The following SLC7A5 variants were observed in gnomAD, a reference collection of about 807,000 sequenced individuals.
The protein encoded by SLC7A5 is large neutral amino acids transporter small subunit 1.
Under a neutral mutation model 50.2 loss-of-function variants are expected in SLC7A5, and 23 were observed. The ratio of observed to expected loss-of-function variants is 0.46; its 90% CI spans 0.33 to 0.65. The LOEUF (loss-of-function observed/expected upper bound fraction) is 0.65. Among genes scored for constraint, SLC7A5 ranks in the 30% least tolerant of loss-of-function variants. The probability of loss-of-function intolerance (pLI) is 0.02; values close to 1 mark genes in which losing one functional copy is unlikely to be tolerated. For synonymous variants in SLC7A5, 393 were observed against 330.6 expected, an observed-to-expected ratio of 1.19 and a Z score of -2.05; for missense variants, 578 against 684.4, an observed-to-expected ratio of 0.84 and a Z score of 1.73.
At chr16:87,840,326 G>C in intron 4 of SLC7A5, 103 bp downstream of exon 4, 2 of 1,081,010 alleles carry the variant, frequency 1.9e-6, no homozygotes, top group Non-Finnish European at 2.9e-6. Flanking sequence ...GCCCGACTGT[G>C]AACTGGCCTG....
intron 6 of SLC7A5, 89 bp downstream of exon 6, chr16:87,838,625 G>A: frequency 1.9e-6 from 2 of 1,031,454 alleles, no homozygotes; most frequent in South Asian, 2.5e-5. Flanking sequence ...CAGTATCACA[G>A]AGACAAACCT....
At chr16:87,855,557 G>A (rs1194828824) in intron 1 of SLC7A5, among the ~76,000 whole-genome samples, 2 of 152,036 alleles carry the variant, frequency 1.3e-5, no homozygotes, top group African/African-American at 4.8e-5. Flanking sequence ...GACTCTCTGA[G>A]GTGCCTCCCT....
rs1028934856 is a variant in SLC7A5, at chr16:87,851,625, C to A, written c.664+99G>T. On this transcript the variant is annotated intron_variant, in intron 2 of 9. Transcript: ENST00000261622. ...CACGTTGTACAGCACTGCAGAGCTG[C>A]GGACTGGGAGGCACCCGGGGACGGG... 27 of 1,446,496 alleles carry A rather than the reference C, an allele frequency of 1.9e-5. No homozygotes were observed. The African/African-American group carries it at 3.1e-4, about 16-fold the overall frequency. The allele number at this position is 1,446,496 out of a possible 1,614,324, so 89.6% of individuals were successfully genotyped here.
chr16:87,859,184 A>G (rs1206979431), intron 1 of SLC7A5, among the ~76,000 whole-genome samples: 1 of 152,198 alleles, frequency 6.6e-6, no homozygotes, highest in Non-Finnish European at 1.5e-5. Flanking sequence ...GCTCCGGGCC[A>G]CACAGCTTGA....
At chr16:87,857,549 T>C (rs1354677410) in intron 1 of SLC7A5, among the ~76,000 whole-genome samples, 3 of 152,188 alleles carry the variant, frequency 2.0e-5, no homozygotes, top group African/African-American at 7.2e-5. Context: ...TCCCAAAGTG[T>C]TGGGATTACA....
In SLC7A5 at chr16:87,850,192, G is replaced by C. The variant is rs554157958; in HGVS notation, c.664+1532C>G. ...AAGGCGGAGGCTCAGCTAAAGCTGC[G>C]TGCTGGGTGCTGGGTGCTGCGGGGC... On this transcript the variant is annotated intron_variant, in intron 2 of 9. Transcript: ENST00000261622. 3.9e-5 allele frequency among the ~76,000 whole-genome samples: 6 copies of C among 152,334 alleles called. No homozygotes were observed. The South Asian group carries it at 1.2e-3, about 32-fold the overall frequency.
intron 1 of SLC7A5, among the ~76,000 whole-genome samples, chr16:87,856,646 G>A (rs566879441): frequency 1.3e-5 from 2 of 152,284 alleles, no homozygotes; most frequent in African/African-American, 2.4e-5. Context: ...CTTCTTTGTC[G>A]GAATCCACTC....
At chr16:87,834,246 C>T (rs1269579207) in intron 9 of SLC7A5, among the ~76,000 whole-genome samples, 168 bp downstream of exon 9, 1 of 152,212 alleles carries the variant, frequency 6.6e-6, no homozygotes, top group African/African-American at 2.4e-5. Flanking sequence ...TGTGTCTTAT[C>T]CCTGAACCAT....
rs1179351184 is a variant in SLC7A5, at chr16:87,845,717, G to A, written c.665-4562C>T. On this transcript the variant is annotated intron_variant, in intron 2 of 9. Coordinates refer to ENST00000261622, the MANE Select transcript of SLC7A5 (RefSeq NM_003486.7). ...TCTGTCGGTCTTGGAAACTCATGAA[G>A]GAGTGGGCCCTTTGCTTAGAGCTGC... is the stretch of plus-strand genomic sequence containing the variant. Among the ~76,000 whole-genome samples the A allele has an allele frequency of 3.3e-5, 5 of 152,190 alleles. No homozygotes were observed. The East Asian group carries it at 7.7e-4, about 23-fold the overall frequency.
At position 87,860,935 on chromosome 16, in the gene SLC7A5, G is replaced by A. The variant is rs768209715; in HGVS notation, c.538+7950C>T. Among the ~76,000 whole-genome samples, 22 of 152,328 alleles carry A rather than the reference G, an allele frequency of 1.4e-4. No individual in the cohort carries two copies. The highest frequency in any genetic ancestry group is 2.4e-4 in the Non-Finnish European group (16 of 68,024). ...CTCCCACACTCCCGGAGGCACGCAC[G>A]TGCTGTGGCCACCCCGGAGGGTCCG... On this transcript the variant is annotated intron_variant, in intron 1 of 9. Coordinates refer to ENST00000261622, the MANE Select transcript of SLC7A5 (RefSeq NM_003486.7). The surrounding 1 kb of genome is among the most constrained non-coding windows in gnomAD (Gnocchi z 4.8).
At chr16:87,847,924 C>T (rs1022457555) in intron 2 of SLC7A5, among the ~76,000 whole-genome samples, 37 of 152,226 alleles carry the variant, frequency 2.4e-4, no homozygotes, top group African/African-American at 8.4e-4. Context: ...GACACGGGAC[C>T]GTCCAGAAGT....
chr16:87,869,069 G>C lies in SLC7A5; in HGVS notation c.354C>G (p.Ala118=). Residue 118 remains alanine (A), a synonymous_variant, in exon 1 of 10, where the codon GCC becomes GCG. Coordinates refer to ENST00000261622, the MANE Select transcript of SLC7A5 (RefSeq NM_003486.7). ...TTISKSGGDY[A]YMLEVYGSLP... is the part of the protein sequence containing the mutation. ...GCGAGCCGTAGACCTCCAGCATGTA[G>C]GCGTAGTCGCCGCCCGATTTGGAGA... 6.2e-7 allele frequency: 1 copy of C among 1,611,920 alleles called. No individual in the cohort carries two copies. Among genetic ancestry groups the C allele is most frequent in the African/African-American group, 1.3e-5 (1 of 75,006 alleles).
In SLC7A5 at chr16:87,862,182, C is replaced by G. The variant is rs547180544; in HGVS notation, c.538+6703G>C. The stretch of plus-strand genomic sequence containing the variant: ...CCTGGAACAGGCCTGGACTGAGAAG[C>G]GGGGCTACAGGTTACAGGTGCTGGA... On this transcript the variant is annotated intron_variant, in intron 1 of 9. Coordinates refer to ENST00000261622, the MANE Select transcript of SLC7A5 (RefSeq NM_003486.7). The surrounding 1 kb of genome is among the most constrained non-coding windows in gnomAD (Gnocchi z 5.3). Among the ~76,000 whole-genome samples the G allele has an allele frequency of 2.0e-5, 3 of 151,970 alleles. No homozygotes were observed. Among genetic ancestry groups the G allele is most frequent in the Non-Finnish European group, 2.9e-5 (2 of 67,984 alleles).
chr16:87,837,525 C>T (rs1441282079), intron 7 of SLC7A5: 6 of 392,572 alleles, frequency 1.5e-5, no homozygotes, highest in Middle Eastern at 7.2e-4. Flanking sequence ...TGATGCACCC[C>T]GCTGAGAAAC....
chr16:87,855,214 A>G (rs1206478643), intron 1 of SLC7A5, among the ~76,000 whole-genome samples: 5 of 152,124 alleles, frequency 3.3e-5, no homozygotes, highest in Non-Finnish European at 7.4e-5. Context: ...CCTGCTGCTC[A>G]GAGCTGGGGC....
At chr16:87,837,984 A>T in intron 6 of SLC7A5, 43 bp from the exon 7 acceptor site, 2 of 1,439,012 alleles carry the variant, frequency 1.4e-6, no homozygotes, top group South Asian at 2.4e-5. Flanking sequence ...CCGCCCCACA[A>T]CTCAGCACGT....
intron 2 of SLC7A5, among the ~76,000 whole-genome samples, chr16:87,844,733 C>T (rs756207474): frequency 6.6e-6 from 1 of 152,258 alleles, no homozygotes; most frequent in Non-Finnish European, 1.5e-5. Context: ...GGAAACACCT[C>T]AGGGACAAGA....
chr16:87,865,841 G>A (rs1042821813), intron 1 of SLC7A5, among the ~76,000 whole-genome samples: 4 of 152,128 alleles, frequency 2.6e-5, no homozygotes, highest in East Asian at 3.9e-4. Context: ...TCCACACCCC[G>A]CCGGGTGCGA....
chr16:87,867,162 C>T (rs1482647137), intron 1 of SLC7A5, among the ~76,000 whole-genome samples: 4 of 152,202 alleles, frequency 2.6e-5, no homozygotes, highest in Non-Finnish European at 4.4e-5. Flanking sequence ...TCGGTAGATC[C>T]GCCCGTCTCG....
Sources: allele counts gnomAD v4.1 joint callset (sites outside exome capture counted in the v4.1 genomes callset), GRCh38; gene constraint gnomAD v4.1.1; non-coding constraint Gnocchi (gnomAD v3.1); transcripts MANE v1.5; gene names NCBI Gene and HGNC (gene_info 2026-07-23, HGNC 2026-07-21).